Variants in NPAT observed in about 807,000 individuals in gnomAD.
NPAT encodes nuclear protein, coactivator of histone transcription.
A neutral mutation model predicts 130.7 loss-of-function variants in NPAT; 52 were observed. That is an observed-to-expected ratio of 0.40 (90% confidence interval 0.32 to 0.50). The LOEUF (loss-of-function observed/expected upper bound fraction) is 0.50. NPAT is among the 20% of genes least tolerant of loss of function. The pLI is 0.68. For missense variants in NPAT, 1,687 were observed against 1,662.6 expected (o/e 1.01, Z -0.26); for synonymous variants, 580 against 584.8 (o/e 0.99, Z 0.12).
chr11:108,202,927 C>T (rs2078287830), intron 1 of NPAT, among the ~76,000 whole-genome samples: 1 of 152,040 alleles, frequency 6.6e-6, no homozygotes, highest in Admixed American at 6.5e-5. Flanking sequence ...TAAACACCTC[C>T]AGAGTGATAA....
Position 108,160,994 on chromosome 11 carries a change from C to T in NPAT, c.4092G>A (p.Arg1364=). The change falls in exon 17 of 18, where the codon AGG becomes AGA. Residue 1364 remains arginine (R), a synonymous_variant. Coordinates refer to ENST00000278612, the MANE Select transcript of NPAT (RefSeq NM_002519.3). The stretch of plus-strand genomic sequence containing the variant: ...CAATTTTCCGCTTTTTTGTGGTGCT[C>T]CTTGAAGATGCTCTAAACTGTTGTG... ...DNTQQFRASS[R]STTKKRKIEE... 6.2e-7 allele frequency: 1 copy of T among 1,614,092 alleles called. No individual in the cohort carries two copies. The highest frequency in any genetic ancestry group is 8.5e-7 in the Non-Finnish European group (1 of 1,180,012).
chr11:108,194,208 A>G (rs11212546), intron 2 of NPAT, among the ~76,000 whole-genome samples, 191 bp from the exon 3 acceptor site: 75,086 of 152,022 alleles, frequency 0.49, 20,132 homozygotes, highest in Middle Eastern at 0.72. Flanking sequence ...GCTTCTAAAG[A>G]ATCTTGCCTG....
At chr11:108,160,567 TC>T (rs113714417) in intron 17 of NPAT, among the ~76,000 whole-genome samples, 74,836 of 151,734 alleles carry the variant, frequency 0.49, 20,015 homozygotes, top group Middle Eastern at 0.72. Context: ...AAAAACTTTT[TC>T]TTTTCCCCCG....
intron 6 of NPAT, 94 bp from the exon 7 acceptor site, chr11:108,188,273 T>G: frequency 1.1e-6 from 1 of 946,542 alleles, no homozygotes; most frequent in East Asian, 2.4e-5. Context: ...TATTATTTTA[T>G]ATTAAATTCA....
At chr11:108,209,750 G>A (rs1036703332) in intron 1 of NPAT, among the ~76,000 whole-genome samples, 5 of 151,486 alleles carry the variant, frequency 3.3e-5, no homozygotes, top group African/African-American at 1.2e-4. Flanking sequence ...TTAGCTGGGT[G>A]TGGTGGCAGT....
intron 2 of NPAT, among the ~76,000 whole-genome samples, chr11:108,195,948 C>G (rs769980218): frequency 3.2e-4 from 48 of 152,316 alleles, no homozygotes; most frequent in Middle Eastern, 3.4e-3. Context: ...TTCTAACGTG[C>G]CTCTTGTAGA....
intron 1 of NPAT, among the ~76,000 whole-genome samples, chr11:108,216,603 T>C (rs1400388165): frequency 6.6e-6 from 1 of 151,936 alleles, no homozygotes; most frequent in Non-Finnish European, 1.5e-5. Context: ...AATACAGTGA[T>C]ACACAGTAAA....
At chr11:108,207,664 G>A (rs1021166684) in intron 1 of NPAT, among the ~76,000 whole-genome samples, 35 of 152,232 alleles carry the variant, frequency 2.3e-4, no homozygotes, top group African/African-American at 8.2e-4. Context: ...AGTGGGCACC[G>A]GGAGCAGGGA....
At chr11:108,208,271 GT>G in intron 1 of NPAT, 1 of 320,628 alleles carries the variant, frequency 3.1e-6, no homozygotes, top group Non-Finnish European at 6.2e-6. Context: ...GACAAATATT[GT>G]TACTAGAGAC....
At chr11:108,193,884 A>G in intron 3 of NPAT, 73 bp downstream of exon 3, 1 of 940,580 alleles carries the variant, frequency 1.1e-6, no homozygotes, top group South Asian at 1.4e-5. Flanking sequence ...AACCTTTAGA[A>G]ATCATTTTTA....
chr11:108,189,173 T>C lies in NPAT; in HGVS notation c.489A>G (p.Gln163=). The change falls in exon 6 of 18, where the codon CAA becomes CAG. Residue 163 remains glutamine, a synonymous_variant. Coordinates refer to ENST00000278612, the MANE Select transcript of NPAT (RefSeq NM_002519.3). ...AATATGACCTCGATGGATCTGAAAT[T>C]TGGCCACTTGGTCGAGTAACCTGTG... is the stretch of plus-strand genomic sequence containing the variant. ...TGTQVTRPSG[Q]ISDPSRSYFV... is the part of the protein sequence containing the mutation. The C allele has an allele frequency of 6.2e-7, 1 of 1,614,162 alleles. No individual in the cohort carries two copies. Among genetic ancestry groups the C allele is most frequent in the African/African-American group, 1.3e-5 (1 of 75,042 alleles).
intron 12 of NPAT, among the ~76,000 whole-genome samples, chr11:108,175,182 A>G (rs1015700997): frequency 3.9e-5 from 6 of 152,222 alleles, no homozygotes; most frequent in African/African-American, 1.2e-4. Context: ...GTATATTGTT[A>G]TAACTGTCCC....
chr11:108,193,892 T>G (rs2078195155), intron 3 of NPAT, 65 bp downstream of exon 3: 1 of 999,698 alleles, frequency 1.0e-6, no homozygotes, highest in Admixed American at 1.9e-5. Flanking sequence ...GAAATCATTT[T>G]TAACTAAATC....
Position 108,210,909 on chromosome 11 carries a change from G to A in NPAT, c.37+11591C>T, listed in dbSNP as rs562188219. Among the ~76,000 whole-genome samples the A allele has an allele frequency of 8.5e-5, 13 of 152,216 alleles. No homozygotes were observed. In the South Asian group the frequency reaches 2.5e-3, roughly 29 times the overall value. On this transcript the variant is annotated intron_variant, in intron 1 of 17. Transcript: ENST00000278612. ...AGAGAAAGACATCACAAAACTACAC[G>A]CCAATAATCCTTATGAAACTGGACA...
At position 108,173,577 on chromosome 11, in the gene NPAT, T is replaced by C; in HGVS notation, c.1407A>G (p.Glu469=). The part of the protein sequence containing the change: ...SNAECNPHCA[E]LYTNQMSTET... ...CAGTGGACATCTGATTGGTGTATAATTCAGCACAATGTGGATTACATTCAG... is the reference window on the plus strand; with the variant it reads ...CAGTGGACATCTGATTGGTGTATAACTCAGCACAATGTGGATTACATTCAG... The change falls in exon 13 of 18, where the codon GAA becomes GAG. Residue 469 remains glutamate (E), a synonymous_variant. Coordinates refer to ENST00000278612, the MANE Select transcript of NPAT (RefSeq NM_002519.3). 1 of 1,614,232 alleles carries C rather than the reference T, an allele frequency of 6.2e-7. No individual in the cohort carries two copies.
chr11:108,174,777 C>A (rs1263146999), intron 12 of NPAT, among the ~76,000 whole-genome samples: 1 of 150,066 alleles, frequency 6.7e-6, no homozygotes, highest in African/African-American at 2.5e-5. Flanking sequence ...AGCCACCACA[C>A]CTGGCTAGCT....
rs188963429 is a variant in NPAT at position 108,219,491 on chromosome 11, C to T, written c.37+3009G>A. On this transcript the variant is annotated intron_variant, in intron 1 of 17. Coordinates refer to ENST00000278612, the MANE Select transcript of NPAT (RefSeq NM_002519.3). ...CTCAGAATGGTTTCTACTTTTTTTA[C>T]TGCATGCTGTCTCATACAGAAGGTA... Among the ~76,000 whole-genome samples the T allele has an allele frequency of 2.6e-5, 4 of 152,262 alleles. 1 individual carries two copies. In the East Asian group the frequency reaches 7.7e-4, roughly 29 times the overall value.
Position 108,222,580 on chromosome 11 carries a change from G to T in NPAT, c.-44C>A, listed in dbSNP as rs1220773080. On this transcript the variant is annotated 5_prime_UTR_variant, in exon 1 of 18. Transcript: ENST00000278612. Reference sequence around the variant, plus strand: ...AACCACAATAAGGAACAAGACTCAGGTTAAAGCAAACACAGCGACAGCTCC... The same window carrying T: ...AACCACAATAAGGAACAAGACTCAGTTTAAAGCAAACACAGCGACAGCTCC... 1 of 1,610,706 alleles carries T rather than the reference G, an allele frequency of 6.2e-7. No homozygotes were observed. Among genetic ancestry groups the T allele is most frequent in the South Asian group, 1.1e-5 (1 of 90,756 alleles).
chr11:108,173,464 A>G lies in NPAT; in HGVS notation c.1520T>C (p.Ile507Thr), dbSNP rs374367472. Residue 507 changes from isoleucine (I) to threonine (T), a missense_variant, in exon 13 of 18, where the codon ATA becomes ACA. Ile to Thr is a moderately conservative substitution (Grantham distance 89). Around this residue, in one of 3 missense-constraint regions of NPAT, gnomAD observed 1,379 missense variants for 1,346.6 expected, o/e 1.02. Coordinates refer to ENST00000278612, the MANE Select transcript of NPAT (RefSeq NM_002519.3). ...AAGTGAAACAAATGAAGTTATTGGT[A>G]TATCAGGCTGATCAGGCTGTAACTG... ...ESQLQPDQPD[I>T]PITSFVSLGC... The G allele has an allele frequency of 3.7e-6, 6 of 1,614,088 alleles. No homozygotes were observed. Among genetic ancestry groups the G allele is most frequent in the African/African-American group, 2.7e-5 (2 of 74,952 alleles).
Sources: gnomAD v4.1 joint callset for allele counts (sites outside exome capture counted in the v4.1 genomes callset) on GRCh38, gnomAD v4.1.1 for gene constraint, gnomAD v4.1.1 regional missense constraint, MANE v1.5 for transcripts, NCBI Gene and HGNC (gene_info 2026-07-23, HGNC 2026-07-21) for gene names.